The following STK3 variants were observed in gnomAD, a reference collection of about 807,000 sequenced individuals.
STK3 encodes serine/threonine-protein kinase 3.
In STK3, 41 loss-of-function variants were observed where a neutral mutation model predicts 58.0. The observed-to-expected ratio is 0.71, with a 90% CI of 0.55 to 0.92. STK3 has a LOEUF of 0.92. Ranked by LOEUF, STK3 falls within the 40% of genes least tolerant of loss-of-function variation. STK3 has a pLI of 0.00. For missense variants in STK3, 479 were observed against 602.7 expected (o/e 0.79, Z 2.15); for synonymous variants, 170 against 191.0 (o/e 0.89, Z 0.91).
chr8:98,632,852 A>G (rs1425043951), intron 6 of STK3, among the ~76,000 whole-genome samples: 1 of 152,208 alleles, frequency 6.6e-6, no homozygotes, highest in Non-Finnish European at 1.5e-5. Flanking sequence ...GAGAGAGAAT[A>G]TTCTTTCCTT....
intron 1 of STK3, among the ~76,000 whole-genome samples, chr8:98,821,232 A>G (rs1834878513): frequency 6.6e-6 from 1 of 152,114 alleles, no homozygotes. Flanking sequence ...TGCGAACCCT[A>G]TTGTGCTGTG....
At chr8:98,512,176 G>C (rs1358100698) in intron 10 of STK3, among the ~76,000 whole-genome samples, 1 of 150,954 alleles carries the variant, frequency 6.6e-6, no homozygotes, top group Non-Finnish European at 1.5e-5. Context: ...CTGTGTCCAT[G>C]TGTTCTCATT....
intron 6 of STK3, chr8:98,596,394 T>A (rs1815827722): frequency 2.4e-6 from 1 of 412,610 alleles, no homozygotes; most frequent in Non-Finnish European, 4.3e-6. Flanking sequence ...ATTGAGCACA[T>A]CATTCTTTAT....
At chr8:98,400,354 G>T (rs1384017956), downstream of STK3, among the ~76,000 whole-genome samples, 2 of 152,226 alleles carry the variant, frequency 1.3e-5, no homozygotes, top group African/African-American at 4.8e-5. Context: ...GTGCCCCCAG[G>T]TGTCACCACG....
Position 98,659,445 on chromosome 8 carries a change from T to C in STK3, c.684+47022A>G, listed in dbSNP as rs187647341. Among the ~76,000 whole-genome samples, 45 of 151,966 alleles carry C rather than the reference T, an allele frequency of 3.0e-4. 1 individual carries two copies. The highest frequency in any genetic ancestry group is 2.6e-3 in the Admixed American group (40 of 15,234). On this transcript the variant is annotated intron_variant, in intron 6 of 10. Transcript: ENST00000419617. ...TATCACACAATGCTTTTAATTCTTA[T>C]CATATTACTAAAATTTTATCAGAAA...
chr8:98,501,585 G>A (rs1296514245), intron 10 of STK3, among the ~76,000 whole-genome samples: 1 of 152,126 alleles, frequency 6.6e-6, no homozygotes, highest in African/African-American at 2.4e-5. Flanking sequence ...TTTTGTATAA[G>A]GTGTAAGGAA....
downstream of STK3, among the ~76,000 whole-genome samples, chr8:98,397,031 A>G (rs1204838374): frequency 2.0e-5 from 3 of 152,220 alleles, no homozygotes; most frequent in Non-Finnish European, 4.4e-5. Context: ...CTAATTACCG[A>G]AGGTCAAATT....
chr8:98,470,381 A>T (rs1177777194), intron 10 of STK3, among the ~76,000 whole-genome samples: 1 of 152,224 alleles, frequency 6.6e-6, no homozygotes, highest in Admixed American at 6.5e-5. Context: ...TGCCACCGCC[A>T]ACCCACAGAT....
chr8:98,900,559 T>C (rs1838617244), intron 1 of STK3, among the ~76,000 whole-genome samples: 1 of 152,226 alleles, frequency 6.6e-6, no homozygotes, highest in Non-Finnish European at 1.5e-5. Flanking sequence ...TACAACTTGA[T>C]ATTTTGATAT....
At chr8:98,500,823 G>C (rs951060118) in intron 10 of STK3, among the ~76,000 whole-genome samples, 1 of 152,222 alleles carries the variant, frequency 6.6e-6, no homozygotes, top group South Asian at 2.1e-4. Flanking sequence ...TGGACGTTTG[G>C]GTTGGTTCCA....
chr8:98,755,488 T>G (rs749262900), intron 3 of STK3, among the ~76,000 whole-genome samples: 1 of 152,240 alleles, frequency 6.6e-6, no homozygotes, highest in Non-Finnish European at 1.5e-5. Context: ...TGCATTCATA[T>G]TCCATGGTAG....
intron 7 of STK3, among the ~76,000 whole-genome samples, chr8:98,585,123 G>A (rs1249312684): frequency 6.6e-6 from 1 of 151,252 alleles, no homozygotes; most frequent in Non-Finnish European, 1.5e-5. Context: ...GTCAATTTTG[G>A]CTTTTGTTGC....
At chr8:98,716,882 ATTATTTTC>A (rs1342047404) in intron 4 of STK3, among the ~76,000 whole-genome samples, 1 of 152,190 alleles carries the variant, frequency 6.6e-6, no homozygotes, top group East Asian at 1.9e-4. Context: ...ATATAATCAA[ATTATTTTC>A]AACAAGAGTG....
intron 6 of STK3, among the ~76,000 whole-genome samples, chr8:98,673,344 T>A (rs960766411): frequency 2.0e-5 from 3 of 152,198 alleles, no homozygotes; most frequent in Non-Finnish European, 4.4e-5. Context: ...TGATCATCTG[T>A]AAGCTGTAGA....
At chr8:98,413,386 T>C in intron 3 of STK3, 1 of 541,868 alleles carries the variant, frequency 1.8e-6, no homozygotes, top group Non-Finnish European at 3.7e-6. Context: ...ATATCTTGGA[T>C]CCTTGGCTAC....
intron 7 of STK3, among the ~76,000 whole-genome samples, chr8:98,590,905 T>A (rs1815253454): frequency 6.6e-6 from 1 of 152,212 alleles, no homozygotes; most frequent in Non-Finnish European, 1.5e-5. Flanking sequence ...ACATACATGT[T>A]TTATCATAAT....
chr8:98,583,959 T>C (rs1472311412), intron 7 of STK3, among the ~76,000 whole-genome samples: 1 of 152,128 alleles, frequency 6.6e-6, no homozygotes, highest in Non-Finnish European at 1.5e-5. Context: ...ATTTGTATTT[T>C]AGTTTTTAAT....
intron 1 of STK3, among the ~76,000 whole-genome samples, chr8:98,793,031 C>T (rs770045361): frequency 9.9e-5 from 15 of 151,936 alleles, no homozygotes; most frequent in South Asian, 6.2e-4. Context: ...TCACAGCAAC[C>T]TAGAGGAGAT....
At chr8:98,544,590 A>T (rs1306080504) in intron 9 of STK3, among the ~76,000 whole-genome samples, 1 of 151,476 alleles carries the variant, frequency 6.6e-6, no homozygotes, top group Admixed American at 6.6e-5. Flanking sequence ...TTACCAAGGC[A>T]GGAGGTTTAC....
Sources: allele counts gnomAD v4.1 joint callset (sites outside exome capture counted in the v4.1 genomes callset), GRCh38; gene constraint gnomAD v4.1.1; transcripts MANE v1.5; gene names NCBI Gene and HGNC (gene_info 2026-07-23, HGNC 2026-07-21).